Variants in RSRC1 observed in about 807,000 individuals in gnomAD.
RSRC1 encodes the protein serine/Arginine-related protein 53.
RSRC1 carries 39 observed loss-of-function variants against 49.1 expected under a neutral mutation model. The ratio of observed to expected loss-of-function variants is 0.79; its 90% CI spans 0.61 to 1.04. The LOEUF (loss-of-function observed/expected upper bound fraction) is 1.04. RSRC1 is among the 50% of genes least tolerant of loss of function. The pLI is 0.00. For missense variants in RSRC1, 388 were observed against 402.4 expected, an observed-to-expected ratio of 0.96 and a Z score of 0.31; for synonymous variants, 143 against 130.8, an observed-to-expected ratio of 1.09 and a Z score of -0.63.
chr3:158,116,166 A>G (rs1447649685), intron 1 of RSRC1, among the ~76,000 whole-genome samples: 1 of 152,202 alleles, frequency 6.6e-6, no homozygotes, highest in Non-Finnish European at 1.5e-5. Context: ...GGCAATACAA[A>G]TTATCTAAAA....
chr3:158,300,788 T>C (rs2108122773), intron 5 of RSRC1, among the ~76,000 whole-genome samples: 1 of 152,306 alleles, frequency 6.6e-6, no homozygotes, highest in South Asian at 2.1e-4. Flanking sequence ...ATAGAGAGCA[T>C]TGTTCTAAGG....
At chr3:158,359,005 G>T (rs1230407666) in intron 6 of RSRC1, among the ~76,000 whole-genome samples, 2 of 151,942 alleles carry the variant, frequency 1.3e-5, no homozygotes, top group Non-Finnish European at 2.9e-5. Flanking sequence ...ATTCTATTGT[G>T]AGTACATTTG....
intron 7 of RSRC1, among the ~76,000 whole-genome samples, chr3:158,474,880 T>G (rs1249620873): frequency 6.6e-6 from 1 of 152,070 alleles, no homozygotes; most frequent in African/African-American, 2.4e-5. Context: ...CCTTATGCTG[T>G]CCTTTCATAG....
chr3:158,215,918 G>A (rs1418248040), intron 4 of RSRC1, among the ~76,000 whole-genome samples: 2 of 151,496 alleles, frequency 1.3e-5, no homozygotes, highest in Non-Finnish European at 3.0e-5. Context: ...TTTAAGTTTT[G>A]CAAATGCTTA....
intron 6 of RSRC1, among the ~76,000 whole-genome samples, chr3:158,454,538 GTATGGAGTTCTCTTTTGATGGT>G (rs2108395253): frequency 6.6e-6 from 1 of 152,156 alleles, no homozygotes; most frequent in East Asian, 1.9e-4. Context: ...TTCATTTCAT[GTATGGAGTTCTCTTTTGATGGT>G]CAAAATTTAG....
chr3:158,157,773 G>A (rs1717968177), intron 3 of RSRC1, among the ~76,000 whole-genome samples: 2 of 151,976 alleles, frequency 1.3e-5, no homozygotes, highest in African/African-American at 4.8e-5. Flanking sequence ...AAATTAGCCG[G>A]GCATGGTGGC....
chr3:158,171,953 TCAA>T (rs374799867), intron 3 of RSRC1, among the ~76,000 whole-genome samples: 12 of 151,060 alleles, frequency 7.9e-5, no homozygotes, highest in East Asian at 5.8e-4. Flanking sequence ...CTGTGTCGCT[TCAA>T]CAACAACAAC....
rs1302323867 is a variant in RSRC1 at position 158,545,523 on chromosome 3, T to C, written c.*1248T>C. On this transcript the variant is annotated 3_prime_UTR_variant, in exon 10 of 10. Transcript: ENST00000611884. Reference sequence around the variant, plus strand: ...TCTTCAGGGTAGGACTGCCAACATATAGGACATTTTAATGCCATCTTCTTT... The same window carrying C: ...TCTTCAGGGTAGGACTGCCAACATACAGGACATTTTAATGCCATCTTCTTT... The C allele has an allele frequency of 6.6e-6, 1 of 152,160 alleles. No homozygotes were observed. The highest frequency in any genetic ancestry group is 1.5e-5 in the Non-Finnish European group (1 of 68,038). The allele number at this position is 152,160 out of a possible 1,614,324, so 9.4% of individuals were successfully genotyped here.
In RSRC1 at chr3:158,508,512, T is replaced by C. The variant is rs116093592; in HGVS notation, c.653-28580T>C. Reference sequence around the variant, plus strand: ...CACCTTGTTTTTCTCTCTTTTTTTTTTTAAATGCATATGTAGTCGCCCCCC... The same window carrying C: ...CACCTTGTTTTTCTCTCTTTTTTTTCTTAAATGCATATGTAGTCGCCCCCC... On this transcript the variant is annotated intron_variant, in intron 7 of 9. Transcript: ENST00000611884. Among the ~76,000 whole-genome samples the C allele has an allele frequency of 7.6e-3, 1,150 of 152,276 alleles. 22 individuals are homozygous for C. The highest frequency in any genetic ancestry group is 0.027 in the African/African-American group (1,115 of 41,544).
At chr3:158,288,841 C>G (rs1217658946) in intron 4 of RSRC1, among the ~76,000 whole-genome samples, 3 of 89,466 alleles carry the variant, frequency 3.4e-5, no homozygotes, top group African/African-American at 4.5e-5. Flanking sequence ...CCCCGCCCCC[C>G]CCCCCCCCAA....
chr3:158,492,203 G>A (rs1739112283), intron 7 of RSRC1, among the ~76,000 whole-genome samples: 1 of 152,076 alleles, frequency 6.6e-6, no homozygotes, highest in South Asian at 2.1e-4. Flanking sequence ...CAGCATGGGG[G>A]AATCCACCCC....
chr3:158,390,566 T>G (rs1284274665), intron 6 of RSRC1, among the ~76,000 whole-genome samples: 1 of 152,204 alleles, frequency 6.6e-6, no homozygotes, highest in Non-Finnish European at 1.5e-5. Flanking sequence ...GAGCATTTAT[T>G]ATTTACTAGG....
At chr3:158,288,173 A>G (rs1293474946) in intron 4 of RSRC1, among the ~76,000 whole-genome samples, 2 of 152,226 alleles carry the variant, frequency 1.3e-5, no homozygotes, top group Non-Finnish European at 2.9e-5. Flanking sequence ...ATACTTGAAC[A>G]CTGCCAGGTC....
At chr3:158,389,105 A>G (rs1733133304) in intron 6 of RSRC1, among the ~76,000 whole-genome samples, 2 of 152,192 alleles carry the variant, frequency 1.3e-5, no homozygotes, top group African/African-American at 4.8e-5. Context: ...CTGAGAATAA[A>G]GTTGCCATCA....
intron 6 of RSRC1, among the ~76,000 whole-genome samples, chr3:158,455,151 C>T (rs977685673): frequency 1.5e-4 from 23 of 152,084 alleles, no homozygotes; most frequent in Non-Finnish European, 2.6e-4. Context: ...GTCATCTGAA[C>T]GTGATTGGGC....
intron 6 of RSRC1, among the ~76,000 whole-genome samples, chr3:158,379,181 C>G (rs77771696): frequency 2.1e-5 from 3 of 145,006 alleles, no homozygotes; most frequent in Non-Finnish European, 4.5e-5. Context: ...AAACCTTGAT[C>G]AGAAATACCA....
intron 5 of RSRC1, among the ~76,000 whole-genome samples, chr3:158,343,017 C>A (rs1442776002): frequency 2.0e-5 from 3 of 152,134 alleles, no homozygotes; most frequent in Non-Finnish European, 4.4e-5. Flanking sequence ...GAACAAGTTA[C>A]CTGAGAGGAG....
intron 3 of RSRC1, among the ~76,000 whole-genome samples, chr3:158,158,630 T>C (rs1559923208): frequency 6.6e-6 from 1 of 152,146 alleles, no homozygotes; most frequent in Non-Finnish European, 1.5e-5. Context: ...CTTAGAGTGT[T>C]TTTTGTCTCT....
intron 4 of RSRC1, among the ~76,000 whole-genome samples, chr3:158,247,851 C>T (rs1723991484): frequency 6.6e-6 from 1 of 152,168 alleles, no homozygotes; most frequent in African/African-American, 2.4e-5. Context: ...GTTCCCTTAG[C>T]TCTATGTCAC....
Sources: allele counts gnomAD v4.1 joint callset (sites outside exome capture counted in the v4.1 genomes callset), GRCh38; gene constraint gnomAD v4.1.1; transcripts MANE v1.5; gene names NCBI Gene and HGNC (gene_info 2026-07-23, HGNC 2026-07-21).